Variants in ARMCX4 observed in about 807,000 individuals in gnomAD.
ARMCX4 encodes the protein armadillo repeat-containing X-linked protein 4.
A neutral mutation model predicts 34.7 loss-of-function variants in ARMCX4; 3 were observed. That is an observed-to-expected ratio of 0.09 (90% CI 0.04 to 0.22). The LOEUF is 0.22. Ranked by LOEUF, ARMCX4 falls within the 10% of genes least tolerant of loss-of-function variation. The probability of loss-of-function intolerance (pLI) is 1.00; values close to 1 mark genes in which losing one functional copy is unlikely to be tolerated. For synonymous variants in ARMCX4, 513 were observed against 632.8 expected, an observed-to-expected ratio of 0.81 and a Z score of 2.84; for missense variants, 1,448 against 1,720.8, an observed-to-expected ratio of 0.84 and a Z score of 2.81.
chrX:101,447,349 C>T (rs905310575), downstream of ARMCX4: 3 of 112,389 alleles, frequency 2.7e-5, no homozygotes, highest in African/African-American at 9.7e-5. Flanking sequence ...ATTTTACCTA[C>T]CTATTACCTA....
At chrX:101,497,225 G>A (rs1320119975), downstream of ARMCX4, among the ~76,000 whole-genome samples, 4 of 110,595 alleles carry the variant, frequency 3.6e-5, no homozygotes, top group Non-Finnish European at 5.7e-5. Flanking sequence ...TTCATTTGTT[G>A]TTTTTTCTCT....
intron 2 of ARMCX4, among the ~76,000 whole-genome samples, chrX:101,423,594 G>A (rs1287483169): frequency 9.2e-6 from 1 of 109,246 alleles, no homozygotes. Context: ...TCTAGCCTGG[G>A]CAACAAGAGT....
chrX:101,522,229 A>G (rs1192704083), intron 11 of ARMCX4, among the ~76,000 whole-genome samples: 3 of 111,743 alleles, frequency 2.7e-5, no homozygotes, highest in Non-Finnish European at 5.6e-5. Context: ...TGACCTTTTC[A>G]TCATTTTAAA....
intron 2 of ARMCX4, among the ~76,000 whole-genome samples, chrX:101,419,758 G>C (rs974877019): frequency 5.2e-4 from 58 of 111,117 alleles, no homozygotes; most frequent in Admixed American, 4.4e-3. Context: ...TGCCTTGAGC[G>C]AGAATCCTGT....
At chrX:101,471,654 C>T (rs966265309) in intron 4 of ARMCX4, among the ~76,000 whole-genome samples, 13 of 111,647 alleles carry the variant, frequency 1.2e-4, no homozygotes, top group Admixed American at 6.7e-4. Context: ...TGACCCCTGA[C>T]CCTGGAGCAG....
At chrX:101,428,873 T>A (rs1929793876) in intron 2 of ARMCX4, among the ~76,000 whole-genome samples, 2 of 24,608 alleles carry the variant, frequency 8.1e-5, no homozygotes, top group African/African-American at 1.6e-4. Context: ...TTTCTTTTCC[T>A]TTTTTTTTTT....
chrX:101,421,737 T>C (rs1929270257), intron 2 of ARMCX4, among the ~76,000 whole-genome samples: 1 of 110,419 alleles, frequency 9.1e-6, no homozygotes, highest in Non-Finnish European at 1.9e-5. Flanking sequence ...GAGACCGATC[T>C]TGCCCTTTTA....
intron 11 of ARMCX4, among the ~76,000 whole-genome samples, chrX:101,528,052 A>G (rs1182755897): frequency 8.9e-6 from 1 of 111,947 alleles, no homozygotes; most frequent in East Asian, 2.8e-4. Flanking sequence ...TTATACCAAT[A>G]TCCCTGATGA....
chrX:101,526,273 A>G lies in ARMCX4; in HGVS notation c.*1781-5371A>G, dbSNP rs781863132. Among the ~76,000 whole-genome samples, 20 of 111,966 alleles carry G rather than the reference A, an allele frequency of 1.8e-4. 1 individual carries two copies. The highest frequency in any genetic ancestry group is 6.5e-4 in the African/African-American group (20 of 30,831). On this transcript the variant is annotated intron_variant and NMD_transcript_variant, in intron 11 of 12. Coordinates refer to the ARMCX4 transcript ENST00000354842. ...AGGAGAAATAAAATCCTTTACAGAC[A>G]AGCAAATGCTGAGAGATTTTGTCAC...
chrX:101,503,564 T>G (rs1934361886), intron 7 of ARMCX4, among the ~76,000 whole-genome samples: 1 of 112,433 alleles, frequency 8.9e-6, no homozygotes, highest in South Asian at 3.7e-4. Context: ...TCATGTGTCT[T>G]TTGCCTGCAT....
In ARMCX4 at chrX:101,491,401, G is replaced by A; in HGVS notation, c.2812G>A (p.Ala938Thr). 1 of 1,156,572 alleles carries A rather than the reference G, an allele frequency of 8.6e-7. No individual in the cohort carries two copies. Among genetic ancestry groups the A allele is most frequent in the Non-Finnish European group, 1.1e-6 (1 of 873,125 alleles). ...GGGCAATTCCAATGCTATTTCTAAG[G>A]CAGAGGCTGGGGCAGGCATAATGGG... ...VKGNSNAISK[A>T]EAGAGIMGSV... is the part of the protein sequence containing the mutation. The change falls in exon 6 of 6, where the codon GCA (alanine) becomes ACA (threonine). Residue 938 changes from alanine to threonine, a missense_variant. This residue lies in a region of ARMCX4 where 1,343 missense variants were observed against 1,540.7 expected (regional missense o/e 0.87). Transcript: ENST00000423738.
downstream of ARMCX4, chrX:101,495,865 CA>C: frequency 8.3e-6 from 1 of 120,898 alleles, no homozygotes. Context: ...TATATGGAAA[CA>C]AAAAGATAGC....
Position 101,472,017 on chromosome X carries a change from G to A in ARMCX4, c.-472-14006G>A, listed in dbSNP as rs782231177. The stretch of plus-strand genomic sequence containing the variant: ...GACGATCAAATTACTCTGAGCTACG[G>A]GAGGACATTCAAACCAAAGGCAAAG... On this transcript the variant is annotated intron_variant and NMD_transcript_variant, in intron 4 of 15. Coordinates refer to the ARMCX4 transcript ENST00000433011. 3.4e-3 allele frequency among the ~76,000 whole-genome samples: 245 copies of A among 72,207 alleles called. 1 individual carries two copies. The highest frequency in any genetic ancestry group is 4.2e-3 in the Non-Finnish European group (164 of 39,510). 62.7% of individuals were successfully genotyped at this position (72,207 alleles called of 115,157 possible). A position where few individuals can be genotyped will look rare whatever the true frequency, so the allele number is the denominator to read the frequency against.
intron 11 of ARMCX4, chrX:101,524,287 C>T (rs981511192): frequency 2.7e-5 from 3 of 112,369 alleles, no homozygotes; most frequent in African/African-American, 6.5e-5. Context: ...CACCTCTAGG[C>T]ACATCTTATT....
intron 11 of ARMCX4, among the ~76,000 whole-genome samples, chrX:101,527,216 C>T (rs184655413): frequency 3.5e-4 from 39 of 112,005 alleles, no homozygotes; most frequent in African/African-American, 1.1e-3. Flanking sequence ...ACTGAACAAC[C>T]TTCTCCTGAA....
chrX:101,440,596 C>T (rs1032221267), intron 2 of ARMCX4, among the ~76,000 whole-genome samples: 19 of 111,696 alleles, frequency 1.7e-4, no homozygotes, highest in East Asian at 8.5e-4. Flanking sequence ...GGCAGGCAGG[C>T]CTCCTTGAAC....
chrX:101,427,087 A>G (rs187268251), intron 2 of ARMCX4, among the ~76,000 whole-genome samples: 3 of 111,493 alleles, frequency 2.7e-5, no homozygotes. Flanking sequence ...GTATTTTCCA[A>G]TTTTCTATAG....
chrX:101,428,275 A>G (rs1929756504), intron 2 of ARMCX4, among the ~76,000 whole-genome samples: 1 of 112,294 alleles, frequency 8.9e-6, no homozygotes. Flanking sequence ...AAGATGTCAG[A>G]TTAAAAAAGA....
intron 2 of ARMCX4, among the ~76,000 whole-genome samples, chrX:101,441,320 C>G (rs782076108): frequency 2.0e-4 from 22 of 111,040 alleles, no homozygotes; most frequent in Admixed American, 1.3e-3. Flanking sequence ...AATTTCCATG[C>G]AAATCCCAGG....
Sources: gnomAD v4.1 joint callset for allele counts (sites outside exome capture counted in the v4.1 genomes callset) on GRCh38, gnomAD v4.1.1 for gene constraint, gnomAD v4.1.1 regional missense constraint, MANE v1.5 for transcripts, NCBI Gene and HGNC (gene_info 2026-07-23, HGNC 2026-07-21) for gene names.